SP2: variants seen among roughly 807,000 people sequenced by gnomAD.
SP2 encodes the protein transcription factor Sp2.
A neutral mutation model predicts 50.1 loss-of-function variants in SP2; 9 were observed. That is an observed-to-expected ratio of 0.18 (90% CI 0.11 to 0.31). The LOEUF (loss-of-function observed/expected upper bound fraction) is 0.31. Ranked by LOEUF, SP2 falls within the 10% of genes least tolerant of loss-of-function variation. The probability of loss-of-function intolerance (pLI) is 1.00; values close to 1 mark genes in which losing one functional copy is unlikely to be tolerated. For missense variants in SP2, 581 were observed against 806.5 expected, an observed-to-expected ratio of 0.72 and a Z score of 3.39; for synonymous variants, 313 against 326.6, an observed-to-expected ratio of 0.96 and a Z score of 0.45.
intron 1 of SP2, 69 bp downstream of exon 1, chr17:47,896,362 G>A (rs961552759): frequency 2.5e-6 from 3 of 1,208,064 alleles, no homozygotes; most frequent in Non-Finnish European, 3.1e-6. Flanking sequence ...CAGAGGCCGC[G>A]GGGAGAGGGA....
intron 1 of SP2, among the ~76,000 whole-genome samples, chr17:47,910,376 A>G (rs567880943): frequency 6.6e-6 from 1 of 152,346 alleles, no homozygotes; most frequent in African/African-American, 2.4e-5. Context: ...TGGTGTATGT[A>G]TGCATATGGT....
intron 3 of SP2, 91 bp downstream of exon 3, chr17:47,917,221 G>C: frequency 7.5e-7 from 1 of 1,339,718 alleles, no homozygotes; most frequent in Non-Finnish European, 1.0e-6. Context: ...CTCCCAGCTT[G>C]ATCTGACCTT....
chr17:47,917,623 GT>G (rs1251235790), intron 3 of SP2, among the ~76,000 whole-genome samples: 6 of 40,698 alleles, frequency 1.5e-4, no homozygotes, highest in Non-Finnish European at 2.4e-4. Context: ...TTGTTTTAGG[GT>G]GTTTTTTTTT....
chr17:47,923,350 G>A (rs774403426), intron 4 of SP2, 76 bp downstream of exon 4: 25 of 1,236,526 alleles, frequency 2.0e-5, no homozygotes, highest in Non-Finnish European at 2.6e-5. Flanking sequence ...GGCTGGCCCC[G>A]GGATTTCCAG....
chr17:47,912,527 C>A (rs1167617648), intron 1 of SP2, among the ~76,000 whole-genome samples: 1 of 151,570 alleles, frequency 6.6e-6, no homozygotes, highest in African/African-American at 2.4e-5. Flanking sequence ...TCACTGTAGC[C>A]TTGACCTCTC....
intron 5 of SP2, 111 bp downstream of exon 5, chr17:47,925,204 C>A: frequency 6.9e-7 from 1 of 1,444,952 alleles, no homozygotes; most frequent in Non-Finnish European, 9.3e-7. Flanking sequence ...GAAGAGCTGG[C>A]AGCTCTGTGC....
At chr17:47,923,460 C>T (rs1023135209) in intron 4 of SP2, among the ~76,000 whole-genome samples, 186 bp downstream of exon 4, 1 of 152,248 alleles carries the variant, frequency 6.6e-6, no homozygotes. Flanking sequence ...GTTTAAGGCA[C>T]ATGTCCCCAT....
At chr17:47,926,066 AC>A (rs2035637004) in intron 6 of SP2, among the ~76,000 whole-genome samples, 1 of 151,394 alleles carries the variant, frequency 6.6e-6, no homozygotes, top group Non-Finnish European at 1.5e-5. Context: ...ACAGGCACCC[AC>A]CACCACACCC....
intron 1 of SP2, among the ~76,000 whole-genome samples, chr17:47,913,726 T>C (rs1240045102): frequency 6.6e-6 from 1 of 152,142 alleles, no homozygotes; most frequent in Non-Finnish European, 1.5e-5. Context: ...ATGACTTAAG[T>C]GCACAGTAGA....
chr17:47,899,759 G>A (rs2143758439), intron 1 of SP2: 1 of 152,330 alleles, frequency 6.6e-6, no homozygotes, highest in Non-Finnish European at 1.5e-5. Context: ...ACTGGCACAG[G>A]GGAATACTGT....
intron 1 of SP2, among the ~76,000 whole-genome samples, chr17:47,904,832 C>T (rs1244354075): frequency 6.6e-6 from 1 of 152,172 alleles, no homozygotes; most frequent in African/African-American, 2.4e-5. Context: ...CACAGTGGTG[C>T]AATCATGGCT....
At chr17:47,923,783 G>A (rs1183316600) in intron 4 of SP2, among the ~76,000 whole-genome samples, 7 of 151,754 alleles carry the variant, frequency 4.6e-5, no homozygotes, top group Admixed American at 2.0e-4. Flanking sequence ...TCACTCTGTC[G>A]CCCAGGCTGG....
At chr17:47,910,977 G>A (rs1277933611) in intron 1 of SP2, among the ~76,000 whole-genome samples, 1 of 152,174 alleles carries the variant, frequency 6.6e-6, no homozygotes, top group East Asian at 1.9e-4. Context: ...TGTAATCCCA[G>A]CACTTTTGGA....
chr17:47,925,208 T>C, intron 5 of SP2, 115 bp downstream of exon 5: 1 of 1,444,344 alleles, frequency 6.9e-7, no homozygotes, highest in Non-Finnish European at 9.3e-7. Flanking sequence ...AGCTGGCAGC[T>C]CTGTGCCACC....
chr17:47,909,959 T>C (rs1488411652), intron 1 of SP2, among the ~76,000 whole-genome samples: 1 of 152,210 alleles, frequency 6.6e-6, no homozygotes, highest in Non-Finnish European at 1.5e-5. Context: ...ACAATTCTCC[T>C]GCTTCAGCCT....
intron 1 of SP2, among the ~76,000 whole-genome samples, chr17:47,901,101 A>G (rs2034522739): frequency 6.6e-6 from 1 of 152,142 alleles, no homozygotes; most frequent in Non-Finnish European, 1.5e-5. Flanking sequence ...AAGAAGAATT[A>G]AGGGTGGAGA....
intron 3 of SP2, among the ~76,000 whole-genome samples, chr17:47,921,397 C>T (rs1332933723): frequency 1.3e-5 from 2 of 151,918 alleles, no homozygotes; most frequent in African/African-American, 2.4e-5. Context: ...TACAGGCGTG[C>T]GCCATCCCTC....
rs2035231566 is a variant in SP2, at chr17:47,916,892, C to T, written c.821C>T (p.Ala274Val). The change falls in exon 3 of 7, where the codon GCG becomes GTG. Residue 274 changes from alanine (A) to valine (V), a missense_variant. Around this residue, in one of 2 missense-constraint regions of SP2, gnomAD observed 397 missense variants for 491.0 expected, o/e 0.81. Coordinates refer to ENST00000376741, the MANE Select transcript of SP2 (RefSeq NM_003110.6). This position sits in a 1 kb window ranked among gnomAD's most constrained non-coding sequence, Gnocchi z 4.7. ...GAGACGGTGCTGATCGAGACCACCG[C>T]GGACAACATCATCCAGGCAGGAAAT... is the stretch of plus-strand genomic sequence containing the variant. ...QVETVLIETT[A>V]DNIIQAGNNL... The T allele has an allele frequency of 5.0e-6, 8 of 1,614,184 alleles. No homozygotes were observed. The highest frequency in any genetic ancestry group is 6.8e-6 in the Non-Finnish European group (8 of 1,180,018).
chr17:47,899,655 A>G (rs189473663), intron 1 of SP2: 1 of 152,364 alleles, frequency 6.6e-6, no homozygotes, highest in African/African-American at 2.4e-5. Context: ...AAGAACCTCC[A>G]CATGAGTTCA....
Sources: allele counts gnomAD v4.1 joint callset (sites outside exome capture counted in the v4.1 genomes callset), GRCh38; gene constraint gnomAD v4.1.1; regional missense constraint gnomAD v4.1.1; non-coding constraint Gnocchi (gnomAD v3.1); transcripts MANE v1.5; gene names NCBI Gene and HGNC (gene_info 2026-07-23, HGNC 2026-07-21).